SPDYE4: variants seen among roughly 807,000 people sequenced by gnomAD.
SPDYE4 encodes speedy/RINGO cell cycle regulator family member E4, also known as speedy protein E4.
Under a neutral mutation model 37.5 loss-of-function variants are expected in SPDYE4, and 30 were observed. The ratio of observed to expected loss-of-function variants is 0.80; its 90% CI spans 0.60 to 1.09. The LOEUF (loss-of-function observed/expected upper bound fraction) is 1.09, where lower values mean the gene tolerates loss of function less well. Among genes scored for constraint, SPDYE4 ranks in the 50% least tolerant of loss-of-function variants. SPDYE4 has a pLI of 0.00. For synonymous variants in SPDYE4, 131 were observed against 120.3 expected, an observed-to-expected ratio of 1.09 and a Z score of -0.58; for missense variants, 300 against 307.9, an observed-to-expected ratio of 0.97 and a Z score of 0.19.
chr17:8,753,283 C>CCCCCCCG, intron 5 of SPDYE4, 38 bp downstream of exon 5: 1 of 705,316 alleles, frequency 1.4e-6, no homozygotes, highest in Non-Finnish European at 2.3e-6. Context: ...TCCACCCCAT[C>CCCCCCCG]CCTCCCCACC....
At chr17:8,755,443 T>A in intron 4 of SPDYE4, 77 bp downstream of exon 4, 1 of 1,491,834 alleles carries the variant, frequency 6.7e-7, no homozygotes, top group South Asian at 1.2e-5. Flanking sequence ...AAAAAATAGA[T>A]GGAAGGTTGG....
chr17:8,749,131 T>C (rs2086709752), downstream of SPDYE4, among the ~76,000 whole-genome samples: 1 of 151,742 alleles, frequency 6.6e-6, no homozygotes, highest in Non-Finnish European at 1.5e-5. Flanking sequence ...TCCTGCTCTG[T>C]TGCCCAGGCT....
At chr17:8,749,459 G>A (rs1303130207), downstream of SPDYE4, among the ~76,000 whole-genome samples, 1 of 152,060 alleles carries the variant, frequency 6.6e-6, no homozygotes, top group Non-Finnish European at 1.5e-5. Context: ...GTAGAGACAG[G>A]GTTTCACCAT....
chr17:8,757,785 CTTTT>C (rs1555524402), intron 1 of SPDYE4, among the ~76,000 whole-genome samples: 1 of 107,392 alleles, frequency 9.3e-6, no homozygotes. Context: ...CTCTCTCTCT[CTTTT>C]TTTTTTTTTT....
rs2086725531 is a variant in SPDYE4 at position 8,751,117 on chromosome 17, AC to A, written c.*1164del. ...ATAAATAGAATAGATATATTATGTAACTACTCTAGGTCATAACAGTGCTCCC... is the reference window on the plus strand; with the variant it reads ...ATAAATAGAATAGATATATTATGTAATACTCTAGGTCATAACAGTGCTCCC... On this transcript the variant is annotated 3_prime_UTR_variant, in exon 7 of 7. Coordinates refer to ENST00000689094, the MANE Select transcript of SPDYE4 (RefSeq NM_001394956.1). Among the ~76,000 whole-genome samples the A allele has an allele frequency of 6.6e-6, 1 of 152,240 alleles. No individual in the cohort carries two copies. The highest frequency in any genetic ancestry group is 6.5e-5 in the Admixed American group (1 of 15,284).
rs2086729819 is a variant in SPDYE4 at position 8,751,734 on chromosome 17, A to T, written c.*548T>A. ...ATGTTTTCAAAACTACAAAAACCCC[A>T]AACTATTTTAAATCAACCTAGTAAT... On this transcript the variant is annotated 3_prime_UTR_variant, in exon 7 of 7. Transcript: ENST00000689094. Among the ~76,000 whole-genome samples, 1 of 152,256 alleles carries T rather than the reference A, an allele frequency of 6.6e-6. No individual in the cohort carries two copies. The highest frequency in any genetic ancestry group is 2.4e-5 in the African/African-American group (1 of 41,472).
rs2086780788 is a variant in SPDYE4 at position 8,757,307 on chromosome 17, A to G, written c.295T>C (p.Ser99Pro). 6.2e-7 allele frequency: 1 copy of G among 1,605,022 alleles called. No homozygotes were observed. Among genetic ancestry groups the G allele is most frequent in the Non-Finnish European group, 8.5e-7 (1 of 1,175,622 alleles). The stretch of plus-strand genomic sequence containing the variant: ...TCGTGGTGCTCAGGGAGCACGGAGG[A>G]TGCTCGCTTTCGCTTCAGCTTCATC... ...LKMKLKRKRA[S>P]SVLPEHHEAF... The change falls in exon 2 of 7, where the codon TCC (serine) becomes CCC (proline). Residue 99 changes from serine (S) to proline (P), a missense_variant. By Grantham distance (74) the Ser-to-Pro change is moderately conservative. Coordinates refer to ENST00000689094, the MANE Select transcript of SPDYE4 (RefSeq NM_001394956.1).
chr17:8,754,157 A>G (rs186870825), intron 4 of SPDYE4, among the ~76,000 whole-genome samples: 6 of 152,380 alleles, frequency 3.9e-5, no homozygotes, highest in Admixed American at 3.9e-4. Flanking sequence ...TGTTGAATAA[A>G]TGAATACATG....
In SPDYE4 at chr17:8,752,131, T is replaced by G. The variant is rs1356967840; in HGVS notation, c.*151A>C. Among the ~76,000 whole-genome samples, 5 of 152,188 alleles carry G rather than the reference T, an allele frequency of 3.3e-5. No individual in the cohort carries two copies. The highest frequency in any genetic ancestry group is 7.3e-5 in the Non-Finnish European group (5 of 68,032). On this transcript the variant is annotated 3_prime_UTR_variant, in exon 7 of 7. Transcript: ENST00000689094. Reference sequence around the variant, plus strand: ...GCCCCTTCTAGAAGAGTCCAGCTTCTTCTAGATGATCTGCACAGGAGGCTC... The same window carrying G: ...GCCCCTTCTAGAAGAGTCCAGCTTCGTCTAGATGATCTGCACAGGAGGCTC...
rs902921314 is a variant in SPDYE4, at chr17:8,755,738, G to C, written c.400-133C>G. The C allele has an allele frequency of 6.0e-6, 7 of 1,168,418 alleles. No individual in the cohort carries two copies. In the African/African-American group the frequency reaches 6.1e-5, roughly 10 times the overall value. The allele number at this position is 1,168,418 out of a possible 1,614,324, so 72.4% of individuals were successfully genotyped here. On this transcript the variant is annotated intron_variant, in intron 3 of 6. Coordinates refer to ENST00000689094, the MANE Select transcript of SPDYE4 (RefSeq NM_001394956.1). ...AGGAACCTCAGTGTTGGGTGACTAT[G>C]CTCATTGGGGGCTTGCGGGTGGAGA...
chr17:8,750,025 T>C (rs1279826491), downstream of SPDYE4, among the ~76,000 whole-genome samples: 1 of 152,220 alleles, frequency 6.6e-6, no homozygotes, highest in Non-Finnish European at 1.5e-5. Context: ...TCCTCAGAGT[T>C]CATTGACTTC....
chr17:8,748,169 T>C (rs531753249), downstream of SPDYE4, among the ~76,000 whole-genome samples: 1 of 152,356 alleles, frequency 6.6e-6, no homozygotes, highest in South Asian at 2.1e-4. Flanking sequence ...AGACAAACCA[T>C]ATCAAACCCT....
chr17:8,751,105 A>C lies in SPDYE4; in HGVS notation c.*1177T>G, dbSNP rs2086725423. Among the ~76,000 whole-genome samples the C allele has an allele frequency of 6.6e-6, 1 of 152,228 alleles. No homozygotes were observed. Among genetic ancestry groups the C allele is most frequent in the Admixed American group, 6.5e-5 (1 of 15,284 alleles). ...TGCCACCTAGCTATAAATAGAATAG[A>C]TATATTATGTAACTACTCTAGGTCA... On this transcript the variant is annotated 3_prime_UTR_variant, in exon 7 of 7. Transcript: ENST00000689094.
intron 4 of SPDYE4, 107 bp from the exon 5 acceptor site, chr17:8,753,596 C>T: frequency 7.5e-7 from 1 of 1,335,032 alleles, no homozygotes; most frequent in South Asian, 1.4e-5. Flanking sequence ...AGCTCAGCAC[C>T]AACAGCCGCC....
chr17:8,755,184 G>A (rs780415878), intron 4 of SPDYE4, among the ~76,000 whole-genome samples: 24 of 152,234 alleles, frequency 1.6e-4, no homozygotes, highest in Middle Eastern at 3.2e-3. Context: ...TGGAGAAGGA[G>A]GATGGAAAAT....
Position 8,755,624 on chromosome 17 carries a change from T to G in SPDYE4, c.400-19A>C, listed in dbSNP as rs1187478707. 2.5e-6 allele frequency: 4 copies of G among 1,607,296 alleles called. No homozygotes were observed. The highest frequency in any genetic ancestry group is 1.4e-5 in the African/African-American group (1 of 73,838). The stretch of plus-strand genomic sequence containing the variant: ...GGAGATACTGATGGAGAGAAGGGAG[T>G]AGAGAGAGAGAAAGGTTGGTCACAT... On this transcript the variant is annotated intron_variant, in intron 3 of 6. Transcript: ENST00000689094.
intron 4 of SPDYE4, 124 bp downstream of exon 4, chr17:8,755,396 C>T (rs1348309621): frequency 1.7e-6 from 2 of 1,201,852 alleles, no homozygotes; most frequent in Non-Finnish European, 2.3e-6. Context: ...ATAATCTTAT[C>T]GTTTTTATAT....
At chr17:8,758,225 C>G (rs774921127) in intron 1 of SPDYE4, 49 bp downstream of exon 1, 1 of 1,428,038 alleles carries the variant, frequency 7.0e-7, no homozygotes. Context: ...GCCCCCTTCC[C>G]TCTCCTCAGT....
Position 8,751,937 on chromosome 17 carries a change from G to C in SPDYE4, c.*345C>G, listed in dbSNP as rs1221305829. Reference sequence around the variant, plus strand: ...TGGCAACCAAGTCCATAGGAAACAGGAACTCCAGCTTCCAGCCCAGGGGAG... The same window carrying C: ...TGGCAACCAAGTCCATAGGAAACAGCAACTCCAGCTTCCAGCCCAGGGGAG... On this transcript the variant is annotated 3_prime_UTR_variant, in exon 7 of 7. Transcript: ENST00000689094. 6.6e-6 allele frequency among the ~76,000 whole-genome samples: 1 copy of C among 152,190 alleles called. No individual in the cohort carries two copies. Among genetic ancestry groups the C allele is most frequent in the Non-Finnish European group, 1.5e-5 (1 of 68,046 alleles).
Sources: allele counts gnomAD v4.1 joint callset (sites outside exome capture counted in the v4.1 genomes callset), GRCh38; gene constraint gnomAD v4.1.1; transcripts MANE v1.5; gene names NCBI Gene and HGNC (gene_info 2026-07-23, HGNC 2026-07-21).